The following ILRUN variants were observed in gnomAD, a reference collection of about 807,000 sequenced individuals.
ILRUN encodes protein ILRUN.
A neutral mutation model predicts 33.8 loss-of-function variants in ILRUN; 3 were observed. That is an observed-to-expected ratio of 0.09 (90% CI 0.04 to 0.23). The LOEUF (loss-of-function observed/expected upper bound fraction) is 0.23, where lower values mean the gene tolerates loss of function less well. Among genes scored for constraint, ILRUN ranks in the 10% least tolerant of loss-of-function variants. ILRUN has a pLI of 1.00. For synonymous variants in ILRUN, 124 were observed against 138.9 expected (o/e 0.89, Z 0.75); for missense variants, 210 against 375.1 (o/e 0.56, Z 3.64).
rs1009802907 is a variant in ILRUN, at chr6:34,590,137, C to T, written c.*428G>A. The T allele has an allele frequency of 1.8e-5, 3 of 170,784 alleles. No individual in the cohort carries two copies. The highest frequency in any genetic ancestry group is 1.1e-4 in the Admixed American group (2 of 18,084). The allele number at this position is 170,784 out of a possible 1,614,324, so 10.6% of individuals were successfully genotyped here. ...ACTATTCTATAAAGAATATGTTATCCCTTATTTAAAAAAATAAAAGTGGGG... is the reference window on the plus strand; with the variant it reads ...ACTATTCTATAAAGAATATGTTATCTCTTATTTAAAAAAATAAAAGTGGGG... On this transcript the variant is annotated 3_prime_UTR_variant, in exon 5 of 5. Coordinates refer to ENST00000374023, the MANE Select transcript of ILRUN (RefSeq NM_024294.4).
rs532075223 is a variant in ILRUN, at chr6:34,588,169, G to C, written c.*2396C>G. 1.0e-5 allele frequency: 4 copies of C among 398,814 alleles called. No individual in the cohort carries two copies. Among genetic ancestry groups the C allele is most frequent in the South Asian group, 1.3e-4 (1 of 7,862 alleles). The allele number at this position is 398,814 out of a possible 1,614,324, so 24.7% of individuals were successfully genotyped here. A position where few individuals can be genotyped will look rare whatever the true frequency, so the allele number is the denominator to read the frequency against. On this transcript the variant is annotated 3_prime_UTR_variant, in exon 5 of 5. Transcript: ENST00000374023. ...CACTCCATGACTTGCACTTACTCTGGCCCTCTGCAAGGAGCTCATCTCGCC... is the reference window on the plus strand; with the variant it reads ...CACTCCATGACTTGCACTTACTCTGCCCCTCTGCAAGGAGCTCATCTCGCC...
chr6:34,625,697 A>G (rs989575103), intron 3 of ILRUN, among the ~76,000 whole-genome samples: 3 of 152,212 alleles, frequency 2.0e-5, no homozygotes, highest in Non-Finnish European at 2.9e-5. Context: ...TTAGAAATGA[A>G]GTACCTTCTC....
At chr6:34,631,196 T>C (rs1039950847) in intron 3 of ILRUN, among the ~76,000 whole-genome samples, 2 of 152,232 alleles carry the variant, frequency 1.3e-5, no homozygotes, top group Non-Finnish European at 2.9e-5. Flanking sequence ...AGACAGGATG[T>C]ACTGGCTAAA....
chr6:34,674,292 G>C (rs906607363), intron 1 of ILRUN, among the ~76,000 whole-genome samples: 6 of 152,226 alleles, frequency 3.9e-5, no homozygotes, highest in Admixed American at 3.3e-4. Flanking sequence ...CTCCCAAAGT[G>C]CTGGGATTAT....
rs562912641 is a variant in ILRUN, at chr6:34,592,944, C to T, written c.862-2344G>A. On this transcript the variant is annotated intron_variant, in intron 4 of 4. Coordinates refer to ENST00000374023, the MANE Select transcript of ILRUN (RefSeq NM_024294.4). The surrounding 1 kb of genome is among the most constrained non-coding windows in gnomAD (Gnocchi z 4.0). ...ATCCCAGCACTTTGGGAGGCCCAGG[C>T]GGGAGAACTGCTTGAGGTGAGGAGT... Among the ~76,000 whole-genome samples the T allele has an allele frequency of 2.6e-5, 4 of 152,218 alleles. No individual in the cohort carries two copies. The East Asian group carries it at 5.8e-4, about 22-fold the overall frequency.
intron 3 of ILRUN, chr6:34,616,471 G>A (rs1186105636): frequency 1.0e-5 from 7 of 668,892 alleles, no homozygotes; most frequent in Admixed American, 1.0e-4. Flanking sequence ...GCTTGAAAGT[G>A]GACTGAAACA....
At chr6:34,665,621 G>T (rs1186066948) in intron 1 of ILRUN, among the ~76,000 whole-genome samples, 2 of 151,894 alleles carry the variant, frequency 1.3e-5, no homozygotes, top group African/African-American at 4.8e-5. Flanking sequence ...TAGAGATAGG[G>T]TCTTGTTACA....
chr6:34,668,677 CTTCTT>C (rs773208397), intron 1 of ILRUN, among the ~76,000 whole-genome samples: 6 of 150,896 alleles, frequency 4.0e-5, no homozygotes, highest in Non-Finnish European at 8.8e-5. Flanking sequence ...ACTCTGAAAC[CTTCTT>C]TTCTTTTTTT....
chr6:34,656,950 G>A (rs1271114193), intron 1 of ILRUN, among the ~76,000 whole-genome samples: 1 of 152,176 alleles, frequency 6.6e-6, no homozygotes, highest in African/African-American at 2.4e-5. Context: ...GCTTGAACTT[G>A]AGTCTTCTCA....
intron 4 of ILRUN, among the ~76,000 whole-genome samples, chr6:34,604,535 T>C (rs1022480464): frequency 6.6e-6 from 1 of 152,212 alleles, no homozygotes; most frequent in African/African-American, 2.4e-5. Context: ...TGTTTTGCCT[T>C]AATGTTCATC....
intron 3 of ILRUN, 98 bp from the exon 4 acceptor site, chr6:34,607,002 T>C (rs1002048492): frequency 1.1e-6 from 1 of 886,520 alleles, no homozygotes; most frequent in Admixed American, 2.6e-5. Flanking sequence ...AACCACAGAA[T>C]GAAACATTCT....
chr6:34,658,510 A>T (rs1218632815), intron 1 of ILRUN, among the ~76,000 whole-genome samples: 2 of 127,340 alleles, frequency 1.6e-5, no homozygotes, highest in African/African-American at 3.1e-5. Flanking sequence ...TTTTTTTTTA[A>T]GAGTATGGTC....
intron 3 of ILRUN, among the ~76,000 whole-genome samples, chr6:34,621,922 A>T (rs1336893835): frequency 6.6e-6 from 1 of 152,166 alleles, no homozygotes; most frequent in Non-Finnish European, 1.5e-5. Flanking sequence ...ATGGAATAGA[A>T]GAAACTGCCC....
intron 1 of ILRUN, among the ~76,000 whole-genome samples, chr6:34,655,097 T>C (rs1582083103): frequency 1.3e-5 from 2 of 152,184 alleles, no homozygotes; most frequent in African/African-American, 4.8e-5. Context: ...GTTCTATAAC[T>C]ACGGCATTCA....
chr6:34,631,777 G>C (rs1271298538), intron 3 of ILRUN, among the ~76,000 whole-genome samples: 1 of 152,110 alleles, frequency 6.6e-6, no homozygotes, highest in Non-Finnish European at 1.5e-5. Context: ...CAGGTATGAG[G>C]TTTCCTTTTG....
intron 3 of ILRUN, among the ~76,000 whole-genome samples, chr6:34,611,393 C>T (rs1485968976): frequency 1.3e-5 from 2 of 152,080 alleles, no homozygotes; most frequent in Non-Finnish European, 2.9e-5. Context: ...GATTTATAAA[C>T]ACCAACAATA....
chr6:34,621,730 C>T (rs1762016676), intron 3 of ILRUN, among the ~76,000 whole-genome samples: 2 of 151,980 alleles, frequency 1.3e-5, no homozygotes, highest in Admixed American at 6.6e-5. Context: ...GGCATGGTGG[C>T]GTACCCCTGT....
chr6:34,619,644 C>A (rs900839165), intron 3 of ILRUN, among the ~76,000 whole-genome samples: 2 of 152,120 alleles, frequency 1.3e-5, no homozygotes, highest in Non-Finnish European at 2.9e-5. Context: ...CATGAGCCAC[C>A]ACATCTGGCC....
chr6:34,641,747 A>G (rs1762479327), intron 3 of ILRUN, among the ~76,000 whole-genome samples: 1 of 152,192 alleles, frequency 6.6e-6, no homozygotes, highest in Admixed American at 6.5e-5. Context: ...AGACCAAAAA[A>G]GGGTTGTTAA....
Sources: gnomAD v4.1 joint callset for allele counts (sites outside exome capture counted in the v4.1 genomes callset) on GRCh38, gnomAD v4.1.1 for gene constraint, Gnocchi (gnomAD v3.1) non-coding constraint, MANE v1.5 for transcripts, NCBI Gene and HGNC (gene_info 2026-07-23, HGNC 2026-07-21) for gene names.